SNTG2: variants seen among roughly 807,000 people sequenced by gnomAD.
The protein encoded by SNTG2 is gamma-2-syntrophin.
SNTG2 carries 74 observed loss-of-function variants against 70.9 expected under a neutral mutation model. That is an observed-to-expected ratio of 1.04 (90% CI 0.86 to 1.27). SNTG2 has a LOEUF of 1.27. Ranked by LOEUF, SNTG2 falls within the 50% of genes most tolerant of loss-of-function variation. The pLI is 0.00. For synonymous variants in SNTG2, 278 were observed against 273.8 expected (o/e 1.02, Z -0.15); for missense variants, 717 against 690.7 (o/e 1.04, Z -0.43).
In SNTG2 at chr2:990,289, G is replaced by C. The variant is rs531942905; in HGVS notation, c.72+39221G>C. Among the ~76,000 whole-genome samples, 3 of 152,316 alleles carry C rather than the reference G, an allele frequency of 2.0e-5. No individual in the cohort carries two copies. In the South Asian group the frequency reaches 6.2e-4, roughly 32 times the overall value. On this transcript the variant is annotated intron_variant, in intron 1 of 16. Transcript: ENST00000308624. ...TGTACTTTGCAGGTGCTAATCAGAG[G>C]AGGAGCTCCACCAGAGGCATCTCAG...
At chr2:1,148,447 G>GGCTGCTGTGCT (rs1241742798) in intron 6 of SNTG2, among the ~76,000 whole-genome samples, 1 of 152,182 alleles carries the variant, frequency 6.6e-6, no homozygotes, top group African/African-American at 2.4e-5. Flanking sequence ...GAGGCTGCGG[G>GGCTGCTGTGCT]GCTGCTGTGC....
At chr2:1,324,717 T>TAAATAAAA (rs1244143436) in intron 16 of SNTG2, among the ~76,000 whole-genome samples, 1 of 152,214 alleles carries the variant, frequency 6.6e-6, no homozygotes, top group African/African-American at 2.4e-5. Context: ...ATTTTTAAAA[T>TAAATAAAA]AAGTTTTAGT....
chr2:1,051,541 C>T lies in SNTG2; in HGVS notation c.73-31977C>T, dbSNP rs139171039. Reference sequence around the variant, plus strand: ...CTGTGCAACCCATCTGATTTGTACTCGGGGCAGCTTCTGTTGTCATGGTGT... The same window carrying T: ...CTGTGCAACCCATCTGATTTGTACTTGGGGCAGCTTCTGTTGTCATGGTGT... On this transcript the variant is annotated intron_variant, in intron 1 of 16. Transcript: ENST00000308624. Among the ~76,000 whole-genome samples the T allele has an allele frequency of 1.1e-3, 165 of 152,288 alleles. No homozygotes were observed. The Middle Eastern group carries it at 0.014, about 13-fold the overall frequency.
chr2:986,291 G>A (rs935528667), intron 1 of SNTG2, among the ~76,000 whole-genome samples: 11 of 152,254 alleles, frequency 7.2e-5, no homozygotes, highest in African/African-American at 2.2e-4. Context: ...CTTCTCACAC[G>A]CTCTACCAGG....
At chr2:1,241,470 T>A (rs192862431) in intron 11 of SNTG2, among the ~76,000 whole-genome samples, 27 of 152,260 alleles carry the variant, frequency 1.8e-4, no homozygotes, top group South Asian at 6.2e-4. Context: ...ATTTTCTTTT[T>A]TTTTTATTAT....
In SNTG2 at chr2:1,252,305, CT is replaced by C. The variant is rs1257452441; in HGVS notation, c.1005+4863del. Among the ~76,000 whole-genome samples, 4 of 152,180 alleles carry C rather than the reference CT, an allele frequency of 2.6e-5. 1 individual carries two copies. Among genetic ancestry groups the C allele is most frequent in the Non-Finnish European group, 5.9e-5 (4 of 68,026 alleles). Reference sequence around the variant, plus strand: ...GTTAGATTGATTTGACTTGTTTTATCTGTATACTTCCCGATGACTTCATATA... The same window carrying C: ...GTTAGATTGATTTGACTTGTTTTATCGTATACTTCCCGATGACTTCATATA... On this transcript the variant is annotated intron_variant, in intron 12 of 16. Transcript: ENST00000308624.
At chr2:1,195,225 T>C (rs1016078568) in intron 8 of SNTG2, among the ~76,000 whole-genome samples, 1 of 152,192 alleles carries the variant, frequency 6.6e-6, no homozygotes, top group Non-Finnish European at 1.5e-5. Flanking sequence ...TTATTTATAA[T>C]CCTTTGTGTA....
At chr2:1,166,602 G>C (rs754258219) in intron 7 of SNTG2, among the ~76,000 whole-genome samples, 14 of 152,204 alleles carry the variant, frequency 9.2e-5, no homozygotes, top group Admixed American at 4.6e-4. Context: ...GATACAGGAG[G>C]GGGGCAGGGA....
chr2:1,039,222 T>G (rs1661294025), intron 1 of SNTG2, among the ~76,000 whole-genome samples: 1 of 152,232 alleles, frequency 6.6e-6, no homozygotes, highest in Non-Finnish European at 1.5e-5. Context: ...TAATGATAAA[T>G]AACAATTCCT....
chr2:1,289,388 A>G (rs1039509674), intron 14 of SNTG2, among the ~76,000 whole-genome samples: 2 of 151,834 alleles, frequency 1.3e-5, no homozygotes, highest in African/African-American at 2.4e-5. Context: ...CACTGCCCGC[A>G]TGTGTCTCTC....
intron 13 of SNTG2, among the ~76,000 whole-genome samples, chr2:1,261,993 CGT>C (rs1678439831): frequency 6.6e-6 from 1 of 152,146 alleles, no homozygotes; most frequent in Non-Finnish European, 1.5e-5. Flanking sequence ...AGTTCTAGAA[CGT>C]GTTCTCCACG....
At chr2:1,321,908 C>T (rs1422472063) in intron 16 of SNTG2, among the ~76,000 whole-genome samples, 10 of 148,522 alleles carry the variant, frequency 6.7e-5, no homozygotes, top group Non-Finnish European at 1.5e-5. Context: ...TTTCTTCCTT[C>T]CCTCCTTCCT....
At chr2:1,296,101 G>A (rs537926203) in intron 14 of SNTG2, among the ~76,000 whole-genome samples, 3 of 152,264 alleles carry the variant, frequency 2.0e-5, no homozygotes, top group Non-Finnish European at 4.4e-5. Flanking sequence ...CACTGTAGAA[G>A]GCTGAGTCTC....
chr2:1,266,193 C>G (rs922681188), intron 13 of SNTG2, among the ~76,000 whole-genome samples: 3 of 151,340 alleles, frequency 2.0e-5, no homozygotes, highest in Non-Finnish European at 2.9e-5. Flanking sequence ...GAGAGAGAGA[C>G]AGACAGAGAC....
chr2:1,020,574 T>C, intron 1 of SNTG2, among the ~76,000 whole-genome samples: 1 of 53,758 alleles, frequency 1.9e-5, no homozygotes, highest in East Asian at 2.2e-4. Flanking sequence ...AATTTTTTTT[T>C]TAAAAAAATT....
rs143061350 is a variant in SNTG2 at position 1,213,798 on chromosome 2, G to A, written c.719+4568G>A. 4.0e-3 allele frequency among the ~76,000 whole-genome samples: 602 copies of A among 152,332 alleles called. 7 individuals are homozygous for A. Among genetic ancestry groups the A allele is most frequent in the African/African-American group, 0.014 (579 of 41,576 alleles). ...AAAGATATTGTTTCTTCTGTCACCTGTGCTTTTGGGTCATATTCAAGAAAT... is the reference window on the plus strand; with the variant it reads ...AAAGATATTGTTTCTTCTGTCACCTATGCTTTTGGGTCATATTCAAGAAAT... On this transcript the variant is annotated intron_variant, in intron 9 of 16. Transcript: ENST00000308624.
intron 1 of SNTG2, among the ~76,000 whole-genome samples, chr2:1,053,101 G>A (rs2148084734): frequency 6.6e-6 from 1 of 152,192 alleles, no homozygotes; most frequent in Admixed American, 6.5e-5. Flanking sequence ...TTTTCTTTAT[G>A]ACCCTGCGTT....
chr2:1,272,401 T>C (rs1230282792), intron 14 of SNTG2, among the ~76,000 whole-genome samples: 1 of 138,164 alleles, frequency 7.2e-6, no homozygotes, highest in African/African-American at 2.9e-5. Context: ...CAGGTGGTAA[T>C]GCTCACTAAC....
intron 16 of SNTG2, among the ~76,000 whole-genome samples, chr2:1,322,684 C>T (rs1330915164): frequency 6.6e-6 from 1 of 151,938 alleles, no homozygotes; most frequent in Non-Finnish European, 1.5e-5. Flanking sequence ...GCAGAGTCCT[C>T]AGAGGCTCCT....
Sources: gnomAD v4.1 joint callset for allele counts (sites outside exome capture counted in the v4.1 genomes callset) on GRCh38, gnomAD v4.1.1 for gene constraint, MANE v1.5 for transcripts, NCBI Gene and HGNC (gene_info 2026-07-23, HGNC 2026-07-21) for gene names.